The following LRMDA variants were observed in gnomAD, a reference collection of about 807,000 sequenced individuals.
LRMDA encodes leucine-rich melanocyte differentiation-associated protein.
A neutral mutation model predicts 29.8 loss-of-function variants in LRMDA; 18 were observed. The ratio of observed to expected loss-of-function variants is 0.60; its 90% CI spans 0.42 to 0.90. The LOEUF (loss-of-function observed/expected upper bound fraction) is 0.90, where lower values mean the gene tolerates loss of function less well. Ranked by LOEUF, LRMDA falls within the 40% of genes least tolerant of loss-of-function variation. The pLI, the probability that LRMDA is intolerant of heterozygous loss-of-function variation, is 0.00. For synonymous variants in LRMDA, 125 were observed against 109.4 expected (o/e 1.14, Z -0.89); for missense variants, 273 against 273.9 (o/e 1.00, Z 0.02).
chr10:76,258,237 C>G (rs1839891873), intron 5 of LRMDA, among the ~76,000 whole-genome samples: 1 of 152,190 alleles, frequency 6.6e-6, no homozygotes, highest in South Asian at 2.1e-4. Flanking sequence ...ATTCAAGTAA[C>G]ATTGGCAGTA....
chr10:76,086,484 T>G (rs1849137690), intron 5 of LRMDA, among the ~76,000 whole-genome samples: 3 of 152,234 alleles, frequency 2.0e-5, no homozygotes, highest in Non-Finnish European at 4.4e-5. Context: ...CAGGTTTGTA[T>G]TCAGAGCAGT....
intron 6 of LRMDA, among the ~76,000 whole-genome samples, chr10:76,530,057 C>T (rs1217202019): frequency 6.6e-6 from 1 of 152,068 alleles, no homozygotes; most frequent in Non-Finnish European, 1.5e-5. Flanking sequence ...CCTCTTAGCC[C>T]ACTAATAGCA....
intron 5 of LRMDA, among the ~76,000 whole-genome samples, chr10:76,262,039 C>A (rs1220593634): frequency 6.6e-6 from 1 of 151,602 alleles, no homozygotes; most frequent in Non-Finnish European, 1.5e-5. Context: ...TCAAGGCCAC[C>A]CTGGGCAACA....
At chr10:75,690,751 A>T (rs976737226) in intron 2 of LRMDA, among the ~76,000 whole-genome samples, 2 of 151,822 alleles carry the variant, frequency 1.3e-5, no homozygotes, top group Non-Finnish European at 2.9e-5. Context: ...TAGGGTCAAG[A>T]GCTCAAGACC....
At chr10:75,463,551 G>C (rs1453572412) in intron 2 of LRMDA, among the ~76,000 whole-genome samples, 1 of 151,860 alleles carries the variant, frequency 6.6e-6, no homozygotes, top group African/African-American at 2.4e-5. Context: ...GCAGTGGTGG[G>C]ATCTCAGCTT....
In LRMDA at chr10:76,084,364, A is replaced by ATTTTT. The variant is rs71024586; in HGVS notation, c.516+25608_516+25612dup. 1.3e-3 allele frequency among the ~76,000 whole-genome samples: 90 copies of ATTTTT among 70,936 alleles called. 2 individuals are homozygous for ATTTTT. The highest frequency in any genetic ancestry group is 1.8e-3 in the East Asian group (5 of 2,714). The allele number at this position is 70,936 out of a possible 152,430, so 46.5% of individuals were successfully genotyped here. A position where few individuals can be genotyped will look rare whatever the true frequency, so the allele number is the denominator to read the frequency against. On this transcript the variant is annotated intron_variant, in intron 5 of 6. Transcript: ENST00000611255. Reference sequence around the variant, plus strand: ...GGGTATGTGCCACTGCGCCCAGCTAATTTTTTTTTTTTTTTTTTTTTTTTT... The same window carrying ATTTTT: ...GGGTATGTGCCACTGCGCCCAGCTAATTTTTTTTTTTTTTTTTTTTTTTTTTTTTT...
intron 2 of LRMDA, among the ~76,000 whole-genome samples, chr10:75,477,218 A>G (rs993287749): frequency 6.6e-6 from 1 of 152,104 alleles, no homozygotes. Context: ...GGCCTCAAGC[A>G]GTCCTCTCGC....
At chr10:75,722,660 G>T (rs1842582808) in intron 2 of LRMDA, among the ~76,000 whole-genome samples, 1 of 152,156 alleles carries the variant, frequency 6.6e-6, no homozygotes. Flanking sequence ...GTATATGGCG[G>T]ATCTGTTTTG....
chr10:76,468,258 A>C (rs1406970878), intron 6 of LRMDA, among the ~76,000 whole-genome samples: 2 of 152,242 alleles, frequency 1.3e-5, no homozygotes, highest in Non-Finnish European at 2.9e-5. Flanking sequence ...CCCTTAAATT[A>C]GCTTCTTAGT....
At chr10:76,349,725 C>G (rs1321445411) in intron 6 of LRMDA, among the ~76,000 whole-genome samples, 1 of 151,974 alleles carries the variant, frequency 6.6e-6, no homozygotes, top group Non-Finnish European at 1.5e-5. Flanking sequence ...TGTAGAGCAA[C>G]AAAAACTGAA....
At chr10:76,389,456 T>C (rs529856089) in intron 6 of LRMDA, among the ~76,000 whole-genome samples, 1 of 152,320 alleles carries the variant, frequency 6.6e-6, no homozygotes, top group East Asian at 1.9e-4. Flanking sequence ...AGCATTTGCC[T>C]TTTTTATTGT....
intron 2 of LRMDA, among the ~76,000 whole-genome samples, chr10:75,696,612 A>G (rs1842238236): frequency 6.6e-6 from 1 of 152,222 alleles, no homozygotes. Flanking sequence ...TGAGTATAAT[A>G]ATTGAGCAGA....
At chr10:76,421,224 C>A (rs1842068811) in intron 6 of LRMDA, among the ~76,000 whole-genome samples, 1 of 152,142 alleles carries the variant, frequency 6.6e-6, no homozygotes, top group Non-Finnish European at 1.5e-5. Context: ...TTTAGAATTT[C>A]TACATCTTCC....
intron 2 of LRMDA, among the ~76,000 whole-genome samples, chr10:75,876,886 A>T (rs1589237690): frequency 6.6e-6 from 1 of 152,182 alleles, no homozygotes; most frequent in Admixed American, 6.5e-5. Context: ...AAAGTGCATC[A>T]TCAGCTGTGC....
At chr10:76,037,524 T>C (rs1053847787) in intron 3 of LRMDA, among the ~76,000 whole-genome samples, 2 of 152,260 alleles carry the variant, frequency 1.3e-5, no homozygotes, top group Non-Finnish European at 2.9e-5. Flanking sequence ...ATTGTCTCAG[T>C]CAGCTCTTGC....
intron 5 of LRMDA, among the ~76,000 whole-genome samples, chr10:76,257,396 T>C (rs1852616457): frequency 6.6e-6 from 1 of 150,944 alleles, no homozygotes; most frequent in Non-Finnish European, 1.5e-5. Flanking sequence ...TGCAATGGCA[T>C]GATCTCAGCT....
chr10:75,454,642 C>T (rs568354058), intron 2 of LRMDA, among the ~76,000 whole-genome samples: 1 of 152,226 alleles, frequency 6.6e-6, no homozygotes, highest in South Asian at 2.1e-4. Flanking sequence ...CAGCCATCTT[C>T]ACCTGTGCTG....
At chr10:75,893,322 C>G (rs1845526446) in intron 2 of LRMDA, among the ~76,000 whole-genome samples, 1 of 152,092 alleles carries the variant, frequency 6.6e-6, no homozygotes, top group South Asian at 2.1e-4. Flanking sequence ...TCCAGATAGT[C>G]AAGGCTAAAA....
At chr10:75,781,687 AGAG>A (rs1171047785) in intron 2 of LRMDA, among the ~76,000 whole-genome samples, 2 of 152,352 alleles carry the variant, frequency 1.3e-5, no homozygotes, top group East Asian at 3.9e-4. Context: ...TAGTGAGCAA[AGAG>A]GAGAAGAGGA....
Sources: allele counts gnomAD v4.1 joint callset (sites outside exome capture counted in the v4.1 genomes callset), GRCh38; gene constraint gnomAD v4.1.1; transcripts MANE v1.5; gene names NCBI Gene and HGNC (gene_info 2026-07-23, HGNC 2026-07-21).